The following SRPK2 variants were observed in gnomAD, a reference collection of about 807,000 sequenced individuals.
SRPK2 encodes SRSF protein kinase 2, also known as SFRS protein kinase 2.
Under a neutral mutation model 90.8 loss-of-function variants are expected in SRPK2, and 21 were observed. The ratio of observed to expected loss-of-function variants is 0.23; its 90% CI spans 0.16 to 0.33. SRPK2 has a LOEUF of 0.33. Among genes scored for constraint, SRPK2 ranks in the 10% least tolerant of loss-of-function variants. The pLI is 1.00. For missense variants in SRPK2, 620 were observed against 869.0 expected (o/e 0.71, Z 3.60); for synonymous variants, 288 against 311.1 (o/e 0.93, Z 0.78).
chr7:105,335,838 C>A (rs922076693), intron 2 of SRPK2, among the ~76,000 whole-genome samples: 1 of 151,812 alleles, frequency 6.6e-6, no homozygotes, highest in Non-Finnish European at 1.5e-5. Flanking sequence ...CACCTGTAAT[C>A]CCAGCTACTC....
At chr7:105,199,318 T>C (rs768945939) in intron 3 of SRPK2, among the ~76,000 whole-genome samples, 2 of 152,114 alleles carry the variant, frequency 1.3e-5, no homozygotes, top group Non-Finnish European at 2.9e-5. Flanking sequence ...TTAATTGTAT[T>C]TTGAGGAAAC....
At chr7:105,204,889 G>A in intron 2 of SRPK2, 1 of 401,828 alleles carries the variant, frequency 2.5e-6, no homozygotes, top group Non-Finnish European at 4.7e-6. Context: ...GAATCTTGGT[G>A]TTATTGCTAG....
At chr7:105,306,395 G>GT (rs1563218478) in intron 2 of SRPK2, 2 of 405,128 alleles carry the variant, frequency 4.9e-6, no homozygotes, top group Non-Finnish European at 9.5e-6. Flanking sequence ...TGCAAAGTAC[G>GT]TATCACTAGA....
At chr7:105,314,421 C>G (rs185566986) in intron 2 of SRPK2, among the ~76,000 whole-genome samples, 156 of 152,234 alleles carry the variant, frequency 1.0e-3, no homozygotes, top group Non-Finnish European at 1.3e-3. Context: ...GAGTCTTGCT[C>G]TGTCACCCAG....
chr7:105,324,016 T>TGTGTGTGG (rs1554509925), intron 2 of SRPK2, among the ~76,000 whole-genome samples: 1 of 148,426 alleles, frequency 6.7e-6, no homozygotes, highest in Non-Finnish European at 1.5e-5. Context: ...TGTGTGTGTG[T>TGTGTGTGG]GGTGGAGTCT....
rs187895349 is a variant in SRPK2 at position 105,280,394 on chromosome 7, T to C, written c.72-76609A>G. 4.4e-3 allele frequency among the ~76,000 whole-genome samples: 672 copies of C among 151,012 alleles called. 2 individuals carry two copies. The highest frequency in any genetic ancestry group is 6.0e-3 in the Non-Finnish European group (408 of 67,770). On this transcript the variant is annotated intron_variant, in intron 2 of 15. Coordinates refer to ENST00000393651, the MANE Select transcript of SRPK2 (RefSeq NM_182692.3). Reference sequence around the variant, plus strand: ...ACTGAGATCACACCACTGCATGCCATCCTGGGTGACAGAGTGAGACTGTCT... The same window carrying C: ...ACTGAGATCACACCACTGCATGCCACCCTGGGTGACAGAGTGAGACTGTCT...
At chr7:105,331,965 C>G (rs1814472426) in intron 2 of SRPK2, among the ~76,000 whole-genome samples, 1 of 152,002 alleles carries the variant, frequency 6.6e-6, no homozygotes. Flanking sequence ...TTGAGACCAG[C>G]CTGGCCAACA....
In SRPK2 at chr7:105,329,905, C is replaced by T. The variant is rs964899899; in HGVS notation, c.71+58743G>A. Among the ~76,000 whole-genome samples the T allele has an allele frequency of 2.0e-5, 3 of 150,980 alleles. No individual in the cohort carries two copies. The South Asian group carries it at 6.3e-4, about 32-fold the overall frequency. ...CAAAAATTAGCCGGGTGTGGCGGCA[C>T]ACACCTCTAATCCCAGCTACTCGGG... On this transcript the variant is annotated intron_variant, in intron 2 of 15. Coordinates refer to ENST00000393651, the MANE Select transcript of SRPK2 (RefSeq NM_182692.3).
chr7:105,219,370 C>T (rs114832794), intron 2 of SRPK2, among the ~76,000 whole-genome samples: 26 of 152,274 alleles, frequency 1.7e-4, no homozygotes, highest in Admixed American at 8.5e-4. Context: ...GACAGGAATA[C>T]GGAGACTTCT....
chr7:105,127,138 G>A, intron 13 of SRPK2, 76 bp from the exon 14 acceptor site: 2 of 1,378,262 alleles, frequency 1.5e-6, no homozygotes, highest in African/African-American at 2.9e-5. Flanking sequence ...CCTTATAGAA[G>A]AGACCGCCAC....
chr7:105,272,526 T>C (rs2130579369), intron 2 of SRPK2, among the ~76,000 whole-genome samples: 1 of 152,342 alleles, frequency 6.6e-6, no homozygotes, highest in South Asian at 2.1e-4. Context: ...TTAATGCTTT[T>C]ACATTTGCTT....
At chr7:105,389,164 G>T (rs1822048732), upstream of SRPK2, 1 of 1,026,522 alleles carries the variant, frequency 9.7e-7, no homozygotes, top group Non-Finnish European at 1.2e-6. Flanking sequence ...CGATCCTGCG[G>T]CTGGCCCAGG....
intron 15 of SRPK2, among the ~76,000 whole-genome samples, chr7:105,124,469 T>C (rs1800844131): frequency 6.6e-6 from 1 of 151,638 alleles, no homozygotes; most frequent in East Asian, 1.9e-4. Context: ...GGTGAAAACC[T>C]CTCTCTACTA....
chr7:105,282,772 G>A (rs562992298), intron 2 of SRPK2, among the ~76,000 whole-genome samples: 1 of 152,056 alleles, frequency 6.6e-6, no homozygotes. Flanking sequence ...CTGGGCAACA[G>A]AGTGAGACTC....
chr7:105,251,235 A>G (rs1802440957), intron 2 of SRPK2, among the ~76,000 whole-genome samples: 1 of 152,238 alleles, frequency 6.6e-6, no homozygotes, highest in Non-Finnish European at 1.5e-5. Context: ...ACTGAGGCAA[A>G]GGTCACATGT....
intron 2 of SRPK2, among the ~76,000 whole-genome samples, chr7:105,252,223 T>C (rs1030456409): frequency 2.6e-5 from 4 of 152,142 alleles, no homozygotes. Context: ...TTCCTTTAAA[T>C]TACTAATTTG....
At chr7:105,363,899 C>A (rs1818718639) in intron 2 of SRPK2, among the ~76,000 whole-genome samples, 1 of 152,084 alleles carries the variant, frequency 6.6e-6, no homozygotes, top group Non-Finnish European at 1.5e-5. Context: ...ATGAATGAAT[C>A]TGGAAACCAT....
intron 2 of SRPK2, among the ~76,000 whole-genome samples, chr7:105,257,351 C>T (rs1396438847): frequency 1.3e-5 from 2 of 152,176 alleles, no homozygotes; most frequent in African/African-American, 4.8e-5. Context: ...CACATTTGTT[C>T]AGAACCTCCC....
intron 2 of SRPK2, among the ~76,000 whole-genome samples, chr7:105,321,295 T>C (rs954001317): frequency 6.6e-5 from 10 of 152,276 alleles, no homozygotes; most frequent in Non-Finnish European, 1.0e-4. Flanking sequence ...GCTGGACCCC[T>C]TCCTCCTCGT....
Sources: allele counts gnomAD v4.1 joint callset (sites outside exome capture counted in the v4.1 genomes callset), GRCh38; gene constraint gnomAD v4.1.1; transcripts MANE v1.5; gene names NCBI Gene and HGNC (gene_info 2026-07-23, HGNC 2026-07-21).